The following SEMA6D variants were observed in gnomAD, a reference collection of about 807,000 sequenced individuals.
SEMA6D encodes the protein semaphorin 6D, also known as semaphorin-6D.
A neutral mutation model predicts 106.6 loss-of-function variants in SEMA6D; 35 were observed. That is an observed-to-expected ratio of 0.33 (90% CI 0.25 to 0.44). SEMA6D has a LOEUF of 0.44. SEMA6D is among the 20% of genes least tolerant of loss of function. The pLI, the probability that SEMA6D is intolerant of heterozygous loss-of-function variation, is 1.00. For missense variants in SEMA6D, 1,185 were observed against 1,345.9 expected (o/e 0.88, Z 1.87); for synonymous variants, 499 against 487.7 (o/e 1.02, Z -0.31).
chr15:47,265,557 T>G (rs1490672768), intron 1 of SEMA6D, among the ~76,000 whole-genome samples: 1 of 151,088 alleles, frequency 6.6e-6, no homozygotes, highest in Non-Finnish European at 1.5e-5. Flanking sequence ...AATGGCTACT[T>G]TAAAATCTTC....
intron 1 of SEMA6D, among the ~76,000 whole-genome samples, chr15:47,732,739 G>A (rs2080203250): frequency 6.6e-6 from 1 of 152,094 alleles, no homozygotes; most frequent in African/African-American, 2.4e-5. Context: ...TTTTCTGCAT[G>A]ATTTGAAAAT....
At chr15:47,245,249 T>C (rs1187524339) in intron 1 of SEMA6D, among the ~76,000 whole-genome samples, 1 of 152,210 alleles carries the variant, frequency 6.6e-6, no homozygotes, top group East Asian at 1.9e-4. Flanking sequence ...ATGGTAGTTA[T>C]GTCTTAAGTT....
chr15:47,627,364 GAAGT>G (rs1023332993), intron 4 of SEMA6D, among the ~76,000 whole-genome samples: 6 of 152,136 alleles, frequency 3.9e-5, no homozygotes, highest in African/African-American at 1.4e-4. Flanking sequence ...TGGTGATGTG[GAAGT>G]AAGTAAACAA....
chr15:47,731,818 G>A (rs1325276420), intron 1 of SEMA6D, among the ~76,000 whole-genome samples: 1 of 152,096 alleles, frequency 6.6e-6, no homozygotes, highest in Non-Finnish European at 1.5e-5. Context: ...ATATGTATAT[G>A]TATGTACATA....
chr15:47,539,564 A>G (rs374878915), intron 3 of SEMA6D, among the ~76,000 whole-genome samples: 1 of 152,076 alleles, frequency 6.6e-6, no homozygotes, highest in South Asian at 2.1e-4. Context: ...AGCTGGGACT[A>G]CAGGCAAGCA....
chr15:47,444,549 C>T (rs61998613), intron 2 of SEMA6D, among the ~76,000 whole-genome samples: 17 of 152,216 alleles, frequency 1.1e-4, no homozygotes, highest in African/African-American at 3.9e-4. Flanking sequence ...GGGGAAAATA[C>T]TCAGTTGCAT....
At chr15:47,363,455 T>C (rs1240417884) in intron 1 of SEMA6D, among the ~76,000 whole-genome samples, 1 of 152,188 alleles carries the variant, frequency 6.6e-6, no homozygotes, top group Admixed American at 6.5e-5. Flanking sequence ...AAGATGGTAA[T>C]ATTAATCTTT....
chr15:47,217,969 C>T (rs1342875270), intron 1 of SEMA6D, among the ~76,000 whole-genome samples: 1 of 151,824 alleles, frequency 6.6e-6, no homozygotes, highest in African/African-American at 2.4e-5. Flanking sequence ...AGGAAGGTAT[C>T]ACTTTGAAGT....
chr15:47,214,139 G>A (rs1358540959), intron 1 of SEMA6D, among the ~76,000 whole-genome samples: 1 of 152,116 alleles, frequency 6.6e-6, no homozygotes, highest in Non-Finnish European at 1.5e-5. Context: ...ACTGATGCCT[G>A]GTCATGGAGA....
chr15:47,674,454 G>A (rs554495445), intron 4 of SEMA6D, among the ~76,000 whole-genome samples: 46 of 152,280 alleles, frequency 3.0e-4, no homozygotes, highest in African/African-American at 1.1e-3. Flanking sequence ...GATCCATGTC[G>A]AAAACATTGT....
chr15:47,584,556 T>C (rs965938972), intron 3 of SEMA6D, among the ~76,000 whole-genome samples: 6 of 152,342 alleles, frequency 3.9e-5, no homozygotes, highest in Non-Finnish European at 8.8e-5. Flanking sequence ...ATTTAATACT[T>C]GTGTTTGATG....
chr15:47,336,465 C>T (rs1228530522), intron 1 of SEMA6D, among the ~76,000 whole-genome samples: 1 of 152,132 alleles, frequency 6.6e-6, no homozygotes, highest in African/African-American at 2.4e-5. Context: ...GTGAGCACCT[C>T]CCAGCAACAA....
Position 47,508,945 on chromosome 15 carries a change from G to GT in SEMA6D, c.-87+38409dup, listed in dbSNP as rs199626221. ...AGTGCCTGGCACTATATTTCTGCTG[G>GT]TTTTTTTTTGCGGGGGGAGACAGAA... On this transcript the variant is annotated intron_variant, in intron 3 of 19. Transcript: ENST00000558014. Among the ~76,000 whole-genome samples the GT allele has an allele frequency of 4.0e-3, 602 of 150,712 alleles. 2 individuals carry two copies. Among genetic ancestry groups the GT allele is most frequent in the African/African-American group, 0.013 (524 of 41,086 alleles).
chr15:47,367,987 C>G (rs1034335433), intron 1 of SEMA6D, among the ~76,000 whole-genome samples: 6 of 150,062 alleles, frequency 4.0e-5, no homozygotes, highest in African/African-American at 1.5e-4. Context: ...TTCAGAAGAA[C>G]ATTTGGTGTG....
intron 4 of SEMA6D, among the ~76,000 whole-genome samples, chr15:47,617,290 CAT>C (rs2077023922): frequency 6.6e-6 from 1 of 152,166 alleles, no homozygotes; most frequent in South Asian, 2.1e-4. Context: ...CTGAGAAAAT[CAT>C]AGTTAGTAGT....
At chr15:47,252,567 C>A (rs1269970109) in intron 1 of SEMA6D, among the ~76,000 whole-genome samples, 1 of 152,156 alleles carries the variant, frequency 6.6e-6, no homozygotes, top group Non-Finnish European at 1.5e-5. Context: ...CCCTCCACAG[C>A]CTTTAGTAAC....
intron 1 of SEMA6D, among the ~76,000 whole-genome samples, chr15:47,255,836 C>G (rs1424810420): frequency 6.6e-6 from 1 of 152,096 alleles, no homozygotes; most frequent in Non-Finnish European, 1.5e-5. Flanking sequence ...ACATACATGT[C>G]TGTAATCTAT....
chr15:47,643,725 C>T (rs1216002943), intron 4 of SEMA6D, among the ~76,000 whole-genome samples: 1 of 152,180 alleles, frequency 6.6e-6, no homozygotes, highest in African/African-American at 2.4e-5. Context: ...ATTAGTATAT[C>T]TGTCACCTCA....
chr15:47,503,629 G>A (rs2043932286), intron 3 of SEMA6D, among the ~76,000 whole-genome samples: 1 of 151,950 alleles, frequency 6.6e-6, no homozygotes, highest in Non-Finnish European at 1.5e-5. Context: ...CACTTTTGGG[G>A]GAAACATCAG....
Sources: allele counts gnomAD v4.1 joint callset (sites outside exome capture counted in the v4.1 genomes callset), GRCh38; gene constraint gnomAD v4.1.1; transcripts MANE v1.5; gene names NCBI Gene and HGNC (gene_info 2026-07-23, HGNC 2026-07-21).